CAAP1: variants seen among roughly 807,000 people sequenced by gnomAD.
CAAP1 encodes the protein caspase activity and apoptosis inhibitor 1, also known as conserved anti-apoptotic protein.
In CAAP1, 20 loss-of-function variants were observed where a neutral mutation model predicts 34.0. That is an observed-to-expected ratio of 0.59 (90% CI 0.41 to 0.86). The LOEUF (loss-of-function observed/expected upper bound fraction) is 0.86. Among genes scored for constraint, CAAP1 ranks in the 40% least tolerant of loss-of-function variants. The pLI is 0.00. For missense variants in CAAP1, 538 were observed against 450.5 expected (o/e 1.19, Z -1.76); for synonymous variants, 213 against 166.7 (o/e 1.28, Z -2.14).
rs753993323 is a variant in CAAP1 at position 26,892,538 on chromosome 9, A to C, written c.178T>G (p.Phe60Val). Residue 60 changes from phenylalanine to valine, a missense_variant, in exon 1 of 6, where the codon TTT (phenylalanine) becomes GTT (valine). By Grantham distance (50) the Phe-to-Val change is conservative. Around this residue, in one of 3 missense-constraint regions of CAAP1, gnomAD observed 514 missense variants for 408.4 expected, o/e 1.26. Coordinates refer to ENST00000333916, the MANE Select transcript of CAAP1 (RefSeq NM_024828.4). ...GSVSCCGNAN[F>V]SGSVTGGGSG... The stretch of plus-strand genomic sequence containing the variant: ...CCACCGCCGGTGACACTTCCACTAA[A>C]ATTGGCGTTCCCACAGCAGCTGACG... 5.1e-6 allele frequency: 8 copies of C among 1,576,978 alleles called. No individual in the cohort carries two copies. Among genetic ancestry groups the C allele is most frequent in the Non-Finnish European group, 6.9e-6 (8 of 1,161,602 alleles).
At chr9:26,882,403 G>A (rs1023968246) in intron 4 of CAAP1, among the ~76,000 whole-genome samples, 1 of 152,200 alleles carries the variant, frequency 6.6e-6, no homozygotes, top group African/African-American at 2.4e-5. Flanking sequence ...CAAGACCCAA[G>A]CCTTGGCAGC....
intron 5 of CAAP1, among the ~76,000 whole-genome samples, chr9:26,858,681 GGC>G (rs1241898966): frequency 6.6e-6 from 1 of 152,048 alleles, no homozygotes; most frequent in African/African-American, 2.4e-5. Flanking sequence ...AAATTAGCCG[GGC>G]GTGGTGGGGA....
rs1364671910 is a variant in CAAP1 at position 26,892,478 on chromosome 9, C to G, written c.238G>C (p.Glu80Gln). Residue 80 changes from glutamate to glutamine, a missense_variant, in exon 1 of 6, where the codon GAG becomes CAG. Glu to Gln is a conservative substitution (Grantham distance 29). Coordinates refer to ENST00000333916, the MANE Select transcript of CAAP1 (RefSeq NM_024828.4). ...CTCCGCTTCCGGCGCTCGCTGCGCT[C>G]CACGCTGCTCCCGCCCCAACAGCTG... The part of the protein sequence containing the change: ...GGSCWGGSSV[E>Q]RSERRKRRST... 2.6e-6 allele frequency: 4 copies of G among 1,560,440 alleles called. No homozygotes were observed. Among genetic ancestry groups the G allele is most frequent in the East Asian group, 2.4e-5 (1 of 41,466 alleles).
chr9:26,892,435 C>G lies in CAAP1; in HGVS notation c.281G>C (p.Ser94Thr). ...CACCTGCTGCAAGGAGCCCGAGACG[C>G]TGGAAGAGTCGGTACTCCTCCGCTT... ...RRKRRSTDSS[S>T]VSGSLQQETK... is the part of the protein sequence containing the mutation. The change falls in exon 1 of 6, where the codon AGC (serine) becomes ACC (threonine). Residue 94 changes from serine to threonine, a missense_variant. Around this residue, in one of 3 missense-constraint regions of CAAP1, gnomAD observed 514 missense variants for 408.4 expected, o/e 1.26. Coordinates refer to ENST00000333916, the MANE Select transcript of CAAP1 (RefSeq NM_024828.4). 1 of 1,601,786 alleles carries G rather than the reference C, an allele frequency of 6.2e-7. No homozygotes were observed. Among genetic ancestry groups the G allele is most frequent in the Non-Finnish European group, 8.5e-7 (1 of 1,176,090 alleles).
chr9:26,857,301 T>C (rs1034152801), intron 5 of CAAP1, among the ~76,000 whole-genome samples: 3 of 152,250 alleles, frequency 2.0e-5, no homozygotes, highest in Non-Finnish European at 2.9e-5. Context: ...CTGATGTTTC[T>C]TATACAACTA....
At chr9:26,861,957 G>A (rs1026282723) in intron 4 of CAAP1, among the ~76,000 whole-genome samples, 4 of 152,144 alleles carry the variant, frequency 2.6e-5, no homozygotes, top group African/African-American at 9.7e-5. Flanking sequence ...ATTTCTTTGA[G>A]AAGTTTACAA....
At chr9:26,842,698 C>CA in intron 5 of CAAP1, 51 bp from the exon 6 acceptor site, 1 of 1,410,762 alleles carries the variant, frequency 7.1e-7, no homozygotes, top group South Asian at 1.4e-5. Flanking sequence ...CCATGGGTCA[C>CA]AATTTCCTTA....
Position 26,841,625 on chromosome 9 carries a change from A to C in CAAP1, c.*676T>G, listed in dbSNP as rs2131288915. The C allele has an allele frequency of 6.5e-6, 1 of 152,678 alleles. No homozygotes were observed. Among genetic ancestry groups the C allele is most frequent in the African/African-American group, 2.4e-5 (1 of 41,564 alleles). The allele number at this position is 152,678 out of a possible 1,614,324, so 9.5% of individuals were successfully genotyped here. ...GTAAATGAAAACTTGTTCCATTTTTATTAAAGAAAAAACCTAGAATAATGC... is the reference window on the plus strand; with the variant it reads ...GTAAATGAAAACTTGTTCCATTTTTCTTAAAGAAAAAACCTAGAATAATGC... On this transcript the variant is annotated 3_prime_UTR_variant, in exon 6 of 6. Coordinates refer to ENST00000333916, the MANE Select transcript of CAAP1 (RefSeq NM_024828.4).
In CAAP1 at chr9:26,892,629, T is replaced by C; in HGVS notation, c.87A>G (p.Val29=). 2 of 1,609,124 alleles carry C rather than the reference T, an allele frequency of 1.2e-6. No individual in the cohort carries two copies. The highest frequency in any genetic ancestry group is 1.7e-6 in the Non-Finnish European group (2 of 1,179,506). ...CACTGCTGCCGCTGGCCAACGCGGG[T>C]ACGATGTCCGGGGCCGCGAGCGCTG... The part of the protein sequence containing the change: ...AAAALAAPDI[V]PALASGSSGS... The change falls in exon 1 of 6, where the codon GTA becomes GTG. Residue 29 remains valine, a synonymous_variant. Transcript: ENST00000333916.
At chr9:26,846,586 G>C (rs1331763267) in intron 5 of CAAP1, among the ~76,000 whole-genome samples, 1 of 151,478 alleles carries the variant, frequency 6.6e-6, no homozygotes, top group African/African-American at 2.4e-5. Context: ...TATCTTTTTT[G>C]TTATACTGTA....
At chr9:26,856,543 A>G (rs975209924) in intron 5 of CAAP1, among the ~76,000 whole-genome samples, 3 of 152,110 alleles carry the variant, frequency 2.0e-5, no homozygotes, top group African/African-American at 7.2e-5. Context: ...GAAAGGAACT[A>G]GAAGATCAAG....
chr9:26,844,660 A>G (rs1451426618), intron 5 of CAAP1, among the ~76,000 whole-genome samples: 2 of 152,226 alleles, frequency 1.3e-5, no homozygotes, highest in African/African-American at 4.8e-5. Flanking sequence ...AAGAATATTT[A>G]GAAGTGACGT....
intron 4 of CAAP1, among the ~76,000 whole-genome samples, chr9:26,882,009 T>C (rs1017198558): frequency 6.6e-6 from 1 of 152,168 alleles, no homozygotes; most frequent in South Asian, 2.1e-4. Context: ...TGTGGAACTT[T>C]GAACTTGAGG....
At chr9:26,865,771 T>C (rs2131315981) in intron 4 of CAAP1, among the ~76,000 whole-genome samples, 1 of 152,306 alleles carries the variant, frequency 6.6e-6, no homozygotes, top group East Asian at 1.9e-4. Flanking sequence ...TGAGGTAGGA[T>C]TCTATTTTCC....
At chr9:26,848,720 C>T (rs1270703425) in intron 5 of CAAP1, among the ~76,000 whole-genome samples, 1 of 152,078 alleles carries the variant, frequency 6.6e-6, no homozygotes, top group Non-Finnish European at 1.5e-5. Flanking sequence ...ATGTGGCACA[C>T]TCCTTTTTAT....
At chr9:26,886,400 A>G (rs1479834719) in intron 2 of CAAP1, among the ~76,000 whole-genome samples, 1 of 152,160 alleles carries the variant, frequency 6.6e-6, no homozygotes, top group Admixed American at 6.5e-5. Flanking sequence ...GAATGCATAA[A>G]CTTGTATTTA....
intron 5 of CAAP1, among the ~76,000 whole-genome samples, chr9:26,846,703 T>C (rs912654417): frequency 1.3e-5 from 2 of 152,126 alleles, no homozygotes. Flanking sequence ...TCTTTTTTTT[T>C]TGAGACAGAG....
At position 26,842,508 on chromosome 9, in the gene CAAP1, G is replaced by A. The variant is rs10967558; in HGVS notation, c.879C>T (p.Asp293=). 13,021 of 1,614,032 alleles carry A rather than the reference G, an allele frequency of 8.1e-3. 844 individuals are homozygous for A. The African/African-American group carries it at 0.15, about 18-fold the overall frequency. Residue 293 remains aspartate, a synonymous_variant, in exon 6 of 6, where the codon GAC becomes GAT. Coordinates refer to ENST00000333916, the MANE Select transcript of CAAP1 (RefSeq NM_024828.4). ...CACTTTTCTCAATGTCTTTCTCCAG[G>A]TCATCTATCTGACCAGCTTCACTTT... is the stretch of plus-strand genomic sequence containing the variant. ...TVQSEAGQID[D]LEKDIEKSVN...
At chr9:26,851,266 G>A (rs1358608815) in intron 5 of CAAP1, among the ~76,000 whole-genome samples, 1 of 152,186 alleles carries the variant, frequency 6.6e-6, no homozygotes, top group Non-Finnish European at 1.5e-5. Context: ...GATATTCATA[G>A]ATATATGATA....
Sources: gnomAD v4.1 joint callset for allele counts (sites outside exome capture counted in the v4.1 genomes callset) on GRCh38, gnomAD v4.1.1 for gene constraint, gnomAD v4.1.1 regional missense constraint, MANE v1.5 for transcripts, NCBI Gene and HGNC (gene_info 2026-07-23, HGNC 2026-07-21) for gene names.